The following SERPIND1 variants were observed in gnomAD, a reference collection of about 807,000 sequenced individuals.
SERPIND1 encodes the protein heparin cofactor 2.
In SERPIND1, 34 loss-of-function variants were observed where a neutral mutation model predicts 35.0. That is an observed-to-expected ratio of 0.97 (90% CI 0.74 to 1.29). The LOEUF (loss-of-function observed/expected upper bound fraction) is 1.29. Among genes scored for constraint, SERPIND1 ranks in the 50% most tolerant of loss-of-function variants. The probability of loss-of-function intolerance (pLI) is 0.00; values close to 1 mark genes in which losing one functional copy is unlikely to be tolerated. For missense variants in SERPIND1, 633 were observed against 637.7 expected (o/e 0.99, Z 0.08); for synonymous variants, 236 against 241.1 (o/e 0.98, Z 0.19).
rs868595945 is a variant in SERPIND1, at chr22:20,778,365, G to A, written c.-16-932G>A. On this transcript the variant is annotated intron_variant, in intron 1 of 4. Coordinates refer to ENST00000215727, the MANE Select transcript of SERPIND1 (RefSeq NM_000185.4). ...AACAAAATACAAAAATTAACCAGGC[G>A]TAGTGGTGTGCACCTGTAGTCCCAG... Among the ~76,000 whole-genome samples the A allele has an allele frequency of 4.6e-5, 7 of 152,146 alleles. No individual in the cohort carries two copies. The Middle Eastern group carries it at 0.01, about 222-fold the overall frequency.
Position 20,786,008 on chromosome 22 carries a change from C to G in SERPIND1, c.1168C>G (p.Arg390Gly). ...RWQKSMTNRT[R>G]EVLLPKFKLE... ...CCCCTTTCCTTTTCTGTCTAGAACT[C>G]GAGAAGTGCTTCTGCCGAAATTCAA... is the stretch of plus-strand genomic sequence containing the variant. Residue 390 changes from arginine to glycine, a missense_variant, in exon 4 of 5, where the codon CGA becomes GGA. By Grantham distance (125) the Arg-to-Gly change is moderately radical. Coordinates refer to ENST00000215727, the MANE Select transcript of SERPIND1 (RefSeq NM_000185.4). The G allele has an allele frequency of 6.2e-7, 1 of 1,614,104 alleles. No homozygotes were observed. Among genetic ancestry groups the G allele is most frequent in the South Asian group, 1.1e-5 (1 of 91,072 alleles).
chr22:20,780,730 T>C (rs1031238300), intron 2 of SERPIND1, among the ~76,000 whole-genome samples: 3 of 139,182 alleles, frequency 2.2e-5, no homozygotes, highest in Admixed American at 8.2e-5. Context: ...GAGCCGAGAC[T>C]GTGCCACTGC....
Position 20,786,433 on chromosome 22 carries a change from T to C in SERPIND1, c.1308+285T>C, listed in dbSNP as rs544937118. Among the ~76,000 whole-genome samples, 18 of 152,296 alleles carry C rather than the reference T, an allele frequency of 1.2e-4. No individual in the cohort carries two copies. In the East Asian group the frequency reaches 3.3e-3, roughly 28 times the overall value. On this transcript the variant is annotated intron_variant, in intron 4 of 4. Transcript: ENST00000215727. ...GAGACAGGGGAGACATGTGCTGCGGTCTGGGAAATAGCTACCCCCAGCCAA... is the reference window on the plus strand; with the variant it reads ...GAGACAGGGGAGACATGTGCTGCGGCCTGGGAAATAGCTACCCCCAGCCAA...
At chr22:20,774,959 G>C (rs1444685679) in intron 1 of SERPIND1, among the ~76,000 whole-genome samples, 3 of 152,050 alleles carry the variant, frequency 2.0e-5, no homozygotes, top group Non-Finnish European at 2.9e-5. Flanking sequence ...GGGTATACAG[G>C]AGTTGTTCTA....
At position 20,786,900 on chromosome 22, in the gene SERPIND1, TG is replaced by T; in HGVS notation, c.1335del (p.Asn446ThrfsTer10). 6.2e-7 allele frequency: 1 copy of T among 1,614,142 alleles called. No homozygotes were observed. On this transcript the variant is annotated frameshift_variant, in exon 5 of 5. Transcript: ENST00000215727. LOFTEE classifies it high-confidence loss of function. ...DLFKHQGTIT[V>X]NEEGTQATTV... is the part of the protein sequence containing the mutation. ...TTCAAGCACCAAGGCACGATCACAG[TG>T]AACGAGGAAGGCACCCAAGCCACCA...
At position 20,776,423 on chromosome 22, in the gene SERPIND1, G is replaced by A. The variant is rs375433763; in HGVS notation, c.-17+2278G>A. On this transcript the variant is annotated intron_variant, in intron 1 of 4. Transcript: ENST00000215727. ...AGGCAGGTGCTGAGATGGGGACCTGGAAAAGGCAACAGGCATTTTGAGTCA... is the reference window on the plus strand; with the variant it reads ...AGGCAGGTGCTGAGATGGGGACCTGAAAAAGGCAACAGGCATTTTGAGTCA... Among the ~76,000 whole-genome samples, 16 of 152,348 alleles carry A rather than the reference G, an allele frequency of 1.1e-4. No individual in the cohort carries two copies. In the South Asian group the frequency reaches 2.9e-3, roughly 28 times the overall value.
At chr22:20,780,593 T>C (rs1933697236) in intron 2 of SERPIND1, among the ~76,000 whole-genome samples, 1 of 151,936 alleles carries the variant, frequency 6.6e-6, no homozygotes, top group African/African-American at 2.4e-5. Flanking sequence ...CAGACCAACA[T>C]GGTGAAAACC....
chr22:20,775,556 T>C (rs1367846218), intron 1 of SERPIND1, among the ~76,000 whole-genome samples: 3 of 152,252 alleles, frequency 2.0e-5, no homozygotes, highest in Non-Finnish European at 2.9e-5. Flanking sequence ...AGATACGTTT[T>C]CCTGAATGCT....
At chr22:20,776,017 A>G (rs1933243041) in intron 1 of SERPIND1, among the ~76,000 whole-genome samples, 1 of 152,150 alleles carries the variant, frequency 6.6e-6, no homozygotes, top group African/African-American at 2.4e-5. Context: ...TTGCAGCTAC[A>G]TACATTAGAA....
chr22:20,780,440 T>C (rs1933680072), intron 2 of SERPIND1, among the ~76,000 whole-genome samples: 1 of 152,120 alleles, frequency 6.6e-6, no homozygotes, highest in Non-Finnish European at 1.5e-5. Flanking sequence ...GTTATTAGCA[T>C]CCCCATTTTA....
intron 1 of SERPIND1, among the ~76,000 whole-genome samples, chr22:20,777,456 G>A (rs189125918): frequency 3.3e-5 from 5 of 152,200 alleles, no homozygotes; most frequent in Admixed American, 3.3e-4. Flanking sequence ...GACCTCAGAT[G>A]ATCCGCCCAC....
Position 20,787,199 on chromosome 22 carries a change from G to A in SERPIND1, c.*133G>A. 3.7e-6 allele frequency: 3 copies of A among 811,672 alleles called. No homozygotes were observed. Among genetic ancestry groups the A allele is most frequent in the Admixed American group, 2.0e-5 (1 of 49,536 alleles). The allele number at this position is 811,672 out of a possible 1,614,324, so 50.3% of individuals were successfully genotyped here. The stretch of plus-strand genomic sequence containing the variant: ...CAATCTGAATTCGAGGCCCATATGA[G>A]AGGAGCTTAGAAACGACCAAGAAGA... On this transcript the variant is annotated 3_prime_UTR_variant, in exon 5 of 5. Coordinates refer to ENST00000215727, the MANE Select transcript of SERPIND1 (RefSeq NM_000185.4).
Position 20,786,942 on chromosome 22 carries a change from G to A in SERPIND1, c.1376G>A (p.Gly459Glu). The A allele has an allele frequency of 6.2e-7, 1 of 1,614,130 alleles. No homozygotes were observed. Among genetic ancestry groups the A allele is most frequent in the Non-Finnish European group, 8.5e-7 (1 of 1,180,024 alleles). ...GTQATTVTTV[G>E]FMPLSTQVRF... ...CAAGCCACCACTGTGACCACGGTGG[G>A]GTTCATGCCGCTGTCCACCCAAGTC... The change falls in exon 5 of 5, where the codon GGG (glycine) becomes GAG (glutamate). Residue 459 changes from glycine to glutamate, a missense_variant. Gly to Glu is a moderately conservative substitution (Grantham distance 98, BLOSUM62 -2). Transcript: ENST00000215727.
chr22:20,784,705 G>A (rs943123750), intron 3 of SERPIND1, among the ~76,000 whole-genome samples: 5 of 152,148 alleles, frequency 3.3e-5, no homozygotes, highest in African/African-American at 4.8e-5. Flanking sequence ...TTAGCCTACC[G>A]AGGACACATC....
chr22:20,786,829 T>G, intron 4 of SERPIND1, 46 bp from the exon 5 acceptor site: 1 of 1,578,248 alleles, frequency 6.3e-7, no homozygotes, highest in Non-Finnish European at 8.7e-7. Flanking sequence ...ACTCTAGCCC[T>G]CTGTGTGCTG....
At chr22:20,784,490 T>TA (rs1201892487) in intron 3 of SERPIND1, among the ~76,000 whole-genome samples, 6 of 152,276 alleles carry the variant, frequency 3.9e-5, no homozygotes, top group Admixed American at 2.0e-4. Flanking sequence ...GCAGATGACT[T>TA]AGAGACAGCT....
At chr22:20,780,230 C>A in intron 2 of SERPIND1, 29 bp downstream of exon 2, 2 of 1,614,102 alleles carry the variant, frequency 1.2e-6, no homozygotes, top group Non-Finnish European at 1.7e-6. Context: ...GTTCTCACAG[C>A]AAACCCACAA....
intron 1 of SERPIND1, among the ~76,000 whole-genome samples, chr22:20,774,485 GGGTGCAGT>G (rs1933085581): frequency 6.6e-6 from 1 of 152,188 alleles, no homozygotes; most frequent in African/African-American, 2.4e-5. Flanking sequence ...TAGAGGGGCC[GGGTGCAGT>G]GGCTCACGCC....
chr22:20,780,286 T>C, intron 2 of SERPIND1, 85 bp downstream of exon 2: 1 of 1,587,286 alleles, frequency 6.3e-7, no homozygotes, highest in Non-Finnish European at 8.6e-7. Context: ...AGAACTGTAC[T>C]GTAGCTATAA....
Sources: gnomAD v4.1 joint callset for allele counts (sites outside exome capture counted in the v4.1 genomes callset) on GRCh38, gnomAD v4.1.1 for gene constraint, MANE v1.5 for transcripts, NCBI Gene and HGNC (gene_info 2026-07-23, HGNC 2026-07-21) for gene names.